The following PCCB variants were observed in gnomAD, a reference collection of about 807,000 sequenced individuals.
PCCB encodes the protein propionyl-CoA carboxylase beta chain, mitochondrial.
Under a neutral mutation model 60.7 loss-of-function variants are expected in PCCB, and 43 were observed. The observed-to-expected ratio is 0.71, with a 90% confidence interval of 0.55 to 0.91. PCCB has a LOEUF of 0.91. Among genes scored for constraint, PCCB ranks in the 40% least tolerant of loss-of-function variants. The probability of loss-of-function intolerance (pLI) is 0.00; values close to 1 mark genes in which losing one functional copy is unlikely to be tolerated. For missense variants in PCCB, 766 were observed against 702.8 expected, an observed-to-expected ratio of 1.09 and a Z score of -1.02; for synonymous variants, 276 against 255.9, an observed-to-expected ratio of 1.08 and a Z score of -0.75.
intron 6 of PCCB, among the ~76,000 whole-genome samples, chr3:136,290,671 G>GTTTTTCTTTT (rs1276235479): frequency 1.8e-4 from 11 of 60,050 alleles, no homozygotes; most frequent in Admixed American, 3.0e-4. Context: ...TCTCTGTGTA[G>GTTTTTCTTTT]TTTTTTTTTT....
At chr3:136,266,078 G>A (rs1185870112) in intron 5 of PCCB, among the ~76,000 whole-genome samples, 1 of 151,212 alleles carries the variant, frequency 6.6e-6, no homozygotes, top group Non-Finnish European at 1.5e-5. Context: ...GCCCACCTCA[G>A]CCTCCCAAAG....
intron 3 of PCCB, among the ~76,000 whole-genome samples, chr3:136,257,572 T>C (rs1420223896): frequency 6.6e-6 from 1 of 152,202 alleles, no homozygotes; most frequent in African/African-American, 2.4e-5. Flanking sequence ...TGGATTTGAC[T>C]TTTTTCTCTC....
At chr3:136,260,563 C>A in intron 4 of PCCB, 28 bp downstream of exon 4, 2 of 1,567,686 alleles carry the variant, frequency 1.3e-6, no homozygotes, top group African/African-American at 1.3e-5. Context: ...AAATTCAATC[C>A]ATTGCTTTCC....
chr3:136,329,809 C>A, intron 14 of PCCB, 96 bp from the exon 15 acceptor site: 2 of 1,365,478 alleles, frequency 1.5e-6, no homozygotes, highest in Non-Finnish European at 2.1e-6. Context: ...GCTTATACTG[C>A]TGGCCCCAGG....
At chr3:136,305,458 A>G (rs1460417438) in intron 9 of PCCB, among the ~76,000 whole-genome samples, 1 of 121,120 alleles carries the variant, frequency 8.3e-6, no homozygotes, top group African/African-American at 2.5e-5. Flanking sequence ...TTTTAAAAAA[A>G]CTTCTTCTGG....
chr3:136,262,147 C>G, intron 5 of PCCB, 82 bp downstream of exon 5: 1 of 864,676 alleles, frequency 1.2e-6, no homozygotes, highest in Non-Finnish European at 1.9e-6. Flanking sequence ...TTCTCCAACT[C>G]TCCTCATTGT....
chr3:136,318,056 T>C (rs866013127), intron 10 of PCCB, among the ~76,000 whole-genome samples: 78 of 152,326 alleles, frequency 5.1e-4, no homozygotes, highest in African/African-American at 1.9e-3. Flanking sequence ...AAAACTGTTT[T>C]GGCTGGGTGT....
chr3:136,289,599 T>C (rs190406526), intron 6 of PCCB, among the ~76,000 whole-genome samples: 19 of 152,298 alleles, frequency 1.2e-4, no homozygotes, highest in Non-Finnish European at 2.5e-4. Context: ...AATCCGTCTT[T>C]TAATTGATAC....
At chr3:136,293,597 TG>T (rs1235149518) in intron 6 of PCCB, among the ~76,000 whole-genome samples, 158 bp from the exon 7 acceptor site, 2 of 152,202 alleles carry the variant, frequency 1.3e-5, no homozygotes, top group African/African-American at 4.8e-5. Flanking sequence ...AGGGAAAACT[TG>T]GGTCTTTAGT....
chr3:136,250,547 C>T lies in PCCB; in HGVS notation c.172C>T (p.Gln58Ter), dbSNP rs1402104765. Residue 58 changes from glutamine to a stop codon, truncating the protein, a stop_gained, in exon 1 of 15, where the codon CAG becomes TAG. Coordinates refer to ENST00000251654, the MANE Select transcript of PCCB (RefSeq NM_000532.5). LOFTEE classifies it high-confidence loss of function. ...LGGGQRRIDA[Q>*]HKRGKLTARE... is the part of the protein sequence containing the mutation. ...AGGGGGCCAACGCCGTATTGACGCG[C>T]AGCACAAGCGAGTGAGTCCTGAGGG... 2 of 1,612,244 alleles carry T rather than the reference C, an allele frequency of 1.2e-6. No individual in the cohort carries two copies. The highest frequency in any genetic ancestry group is 2.2e-5 in the East Asian group (1 of 44,856).
At chr3:136,314,328 T>A (rs1452598282) in intron 9 of PCCB, among the ~76,000 whole-genome samples, 1 of 152,150 alleles carries the variant, frequency 6.6e-6, no homozygotes. Context: ...AAGGCAAAGA[T>A]CTTTCTTGTG....
chr3:136,258,463 A>G (rs7650071), intron 3 of PCCB, among the ~76,000 whole-genome samples: 10,924 of 152,250 alleles, frequency 0.072, 509 homozygotes, highest in Middle Eastern at 0.11. Context: ...CAGGCCCTGA[A>G]GGATACTGAG....
At chr3:136,273,607 T>TC (rs1942262202) in intron 5 of PCCB, among the ~76,000 whole-genome samples, 1 of 143,750 alleles carries the variant, frequency 7.0e-6, no homozygotes, top group East Asian at 2.0e-4. Flanking sequence ...CTTTTTTTTT[T>TC]TTTTTTTTTT....
At chr3:136,308,871 GAAAA>G (rs911333208) in intron 9 of PCCB, among the ~76,000 whole-genome samples, 3 of 151,822 alleles carry the variant, frequency 2.0e-5, no homozygotes, top group African/African-American at 7.3e-5. Context: ...AATTCTAAAA[GAAAA>G]AAAGACAAAA....
At chr3:136,279,085 T>G (rs1166860049) in intron 5 of PCCB, among the ~76,000 whole-genome samples, 1 of 152,218 alleles carries the variant, frequency 6.6e-6, no homozygotes, top group African/African-American at 2.4e-5. Flanking sequence ...TAAAGTCTCT[T>G]TAGTCTGATA....
At chr3:136,296,989 G>A (rs1310588084) in intron 7 of PCCB, among the ~76,000 whole-genome samples, 1 of 152,194 alleles carries the variant, frequency 6.6e-6, no homozygotes, top group African/African-American at 2.4e-5. Flanking sequence ...TTGTAAATAA[G>A]TACACTATGC....
chr3:136,298,947 CA>C (rs1185695297), intron 8 of PCCB, among the ~76,000 whole-genome samples: 9 of 152,196 alleles, frequency 5.9e-5, no homozygotes, highest in African/African-American at 2.2e-4. Flanking sequence ...GCCAGGGCCT[CA>C]CTCTGTCTGC....
chr3:136,329,757 G>A (rs1935471375), intron 14 of PCCB, 148 bp from the exon 15 acceptor site: 2 of 816,042 alleles, frequency 2.5e-6, no homozygotes. Context: ...GATACAAGGG[G>A]GAATTCACAG....
intron 9 of PCCB, among the ~76,000 whole-genome samples, chr3:136,315,897 A>G (rs957272093): frequency 6.8e-6 from 1 of 146,940 alleles, no homozygotes; most frequent in East Asian, 2.0e-4. Context: ...ATAAAAAAGA[A>G]TGTTCTTATG....
Sources: gnomAD v4.1 joint callset for allele counts (sites outside exome capture counted in the v4.1 genomes callset) on GRCh38, gnomAD v4.1.1 for gene constraint, MANE v1.5 for transcripts, NCBI Gene and HGNC (gene_info 2026-07-23, HGNC 2026-07-21) for gene names.